Variants in APBA2 observed in about 807,000 individuals in gnomAD.
The protein encoded by APBA2 is amyloid beta precursor protein binding family A member 2.
Under a neutral mutation model 75.0 loss-of-function variants are expected in APBA2, and 30 were observed. That is an observed-to-expected ratio of 0.40 (90% CI 0.30 to 0.54). The LOEUF (loss-of-function observed/expected upper bound fraction) is 0.54, where lower values mean the gene tolerates loss of function less well. Ranked by LOEUF, APBA2 falls within the 20% of genes least tolerant of loss-of-function variation. APBA2 has a pLI of 0.49. For synonymous variants in APBA2, 444 were observed against 409.6 expected (o/e 1.08, Z -1.01); for missense variants, 801 against 1,016.1 (o/e 0.79, Z 2.88).
intron 10 of APBA2, among the ~76,000 whole-genome samples, chr15:29,103,865 C>T (rs1274476436): frequency 1.3e-5 from 2 of 152,216 alleles, no homozygotes; most frequent in African/African-American, 4.8e-5. Context: ...CGGGCGCTGC[C>T]CCCGGCCCTC....
At chr15:28,995,651 G>T (rs2038478134) in intron 2 of APBA2, 102 bp from the exon 3 acceptor site, 1 of 152,114 alleles carries the variant, frequency 6.6e-6, no homozygotes, top group Admixed American at 6.5e-5. Context: ...GTGATTCAAA[G>T]CCTCATATTT....
chr15:28,994,825 C>T (rs4995090), intron 2 of APBA2, among the ~76,000 whole-genome samples: 12,069 of 152,218 alleles, frequency 0.079, 659 homozygotes, highest in East Asian at 0.27. Flanking sequence ...CTCTTCCCTA[C>T]GACTGCAGAC....
At chr15:28,939,071 C>T (rs1178060501) in intron 2 of APBA2, among the ~76,000 whole-genome samples, 1 of 152,192 alleles carries the variant, frequency 6.6e-6, no homozygotes, top group African/African-American at 2.4e-5. Context: ...TGTCTGAATT[C>T]ACCTCTCTAG....
At chr15:28,942,889 G>A (rs1454860291) in intron 2 of APBA2, among the ~76,000 whole-genome samples, 1 of 152,176 alleles carries the variant, frequency 6.6e-6, no homozygotes, top group African/African-American at 2.4e-5. Flanking sequence ...GCCCGTGGCC[G>A]CTGGAGCAGC....
At chr15:29,040,616 C>G (rs2040987353) in intron 3 of APBA2, among the ~76,000 whole-genome samples, 1 of 152,208 alleles carries the variant, frequency 6.6e-6, no homozygotes. Flanking sequence ...TTAACTCCAT[C>G]CCCTAACGAA....
chr15:29,077,774 A>G (rs1173097333), intron 6 of APBA2, among the ~76,000 whole-genome samples: 1 of 152,232 alleles, frequency 6.6e-6, no homozygotes, highest in Non-Finnish European at 1.5e-5. Flanking sequence ...AAACTGAAGC[A>G]AAACAACATC....
At chr15:28,981,734 G>A (rs1050680257) in intron 2 of APBA2, among the ~76,000 whole-genome samples, 10 of 152,006 alleles carry the variant, frequency 6.6e-5, no homozygotes, top group African/African-American at 2.4e-4. Context: ...TATTCACAAG[G>A]GCAAAGACAC....
intron 14 of APBA2, among the ~76,000 whole-genome samples, chr15:29,115,872 C>T (rs1230590244): frequency 6.6e-6 from 1 of 152,150 alleles, no homozygotes; most frequent in Non-Finnish European, 1.5e-5. Context: ...AGCCCAGGGC[C>T]CGAGACCTGC....
Position 29,041,319 on chromosome 15 carries a change from G to A in APBA2, c.-40-12526G>A, listed in dbSNP as rs148123002. Among the ~76,000 whole-genome samples, 1,242 of 151,846 alleles carry A rather than the reference G, an allele frequency of 8.2e-3. 19 individuals carry two copies. The highest frequency in any genetic ancestry group is 0.029 in the African/African-American group (1,201 of 41,422). On this transcript the variant is annotated intron_variant, in intron 3 of 14. Transcript: ENST00000683413. ...GACCTCTTCTCTACTAAATAAATAA[G>A]TAAATAAATAAAATTTTGCTGAGCC...
chr15:29,054,215 C>T lies in APBA2; in HGVS notation c.331C>T (p.Leu111=), dbSNP rs2041759592. 1.2e-6 allele frequency: 2 copies of T among 1,614,038 alleles called. No homozygotes were observed. Among genetic ancestry groups the T allele is most frequent in the African/African-American group, 1.3e-5 (1 of 74,934 alleles). Residue 111 remains leucine, a synonymous_variant, in exon 4 of 15, where the codon CTA becomes TTA. Coordinates refer to ENST00000683413, the MANE Select transcript of APBA2 (RefSeq NM_001353788.2). This position sits in a 1 kb window ranked among gnomAD's most constrained non-coding sequence, Gnocchi z 6.1. ...CTACTGCCCTGAGGACGACAGCTACCTAGAGGGCATGGACTGCAACGGGGA... is the reference window on the plus strand; with the variant it reads ...CTACTGCCCTGAGGACGACAGCTACTTAGAGGGCATGGACTGCAACGGGGA... ...IRYCPEDDSY[L]EGMDCNGEEY...
At chr15:29,105,684 C>A in intron 11 of APBA2, 126 bp downstream of exon 11, 2 of 1,016,798 alleles carry the variant, frequency 2.0e-6, no homozygotes, top group East Asian at 2.6e-5. Context: ...TCCAGTGGGG[C>A]CCGGAATGTG....
intron 3 of APBA2, among the ~76,000 whole-genome samples, chr15:29,024,951 A>G (rs905245490): frequency 1.2e-4 from 19 of 152,172 alleles, no homozygotes; most frequent in African/African-American, 4.3e-4. Flanking sequence ...TCGAGTATCA[A>G]TGGAGTGGGC....
chr15:29,113,140 A>T (rs538036092), intron 13 of APBA2, among the ~76,000 whole-genome samples: 7 of 152,092 alleles, frequency 4.6e-5, no homozygotes, highest in African/African-American at 1.7e-4. Flanking sequence ...TGCTGCTGTG[A>T]ACACGGGTGT....
intron 2 of APBA2, among the ~76,000 whole-genome samples, chr15:28,974,283 T>TA (rs1364430656): frequency 6.6e-6 from 1 of 152,166 alleles, no homozygotes; most frequent in Admixed American, 6.5e-5. Flanking sequence ...GCAGAGAAGA[T>TA]ACACTAGGTG....
At chr15:28,889,592 G>A (rs2031992662) in intron 1 of APBA2, among the ~76,000 whole-genome samples, 1 of 152,160 alleles carries the variant, frequency 6.6e-6, no homozygotes. Flanking sequence ...GATCTGCCCT[G>A]GGTTGTCCCC....
At chr15:29,109,240 A>C (rs1473145888) in intron 13 of APBA2, among the ~76,000 whole-genome samples, 1 of 152,182 alleles carries the variant, frequency 6.6e-6, no homozygotes, top group East Asian at 1.9e-4. Flanking sequence ...AAGGACTACC[A>C]AATCTTCTCC....
intron 6 of APBA2, among the ~76,000 whole-genome samples, chr15:29,086,896 G>A: frequency 6.6e-6 from 1 of 152,164 alleles, no homozygotes; most frequent in Non-Finnish European, 1.5e-5. Context: ...ATGCAAAGAG[G>A]TCAGTTTCTT....
Position 29,054,463 on chromosome 15 carries a change from C to T in APBA2, c.579C>T (p.Tyr193=), listed in dbSNP as rs1047808255. 7.4e-6 allele frequency: 12 copies of T among 1,613,992 alleles called. No individual in the cohort carries two copies. Among genetic ancestry groups the T allele is most frequent in the Admixed American group, 5.0e-5 (3 of 60,006 alleles). Residue 193 remains tyrosine, a synonymous_variant, in exon 4 of 15, where the codon TAC becomes TAT. Coordinates refer to ENST00000683413, the MANE Select transcript of APBA2 (RefSeq NM_001353788.2). This position sits in a 1 kb window ranked among gnomAD's most constrained non-coding sequence, Gnocchi z 6.1. ...ACTACTGTGCCAGCAAAGAGGGCTA[C>T]CAGGACTACTACCCCGAGGAGGCCA... ...DGHYCASKEG[Y]QDYYPEEANG...
chr15:29,076,000 T>G, intron 5 of APBA2, 55 bp from the exon 6 acceptor site: 1 of 1,536,212 alleles, frequency 6.5e-7, no homozygotes, highest in Non-Finnish European at 9.0e-7. Context: ...CTTCACCTTG[T>G]GGGCTACCTA....
Sources: gnomAD v4.1 joint callset for allele counts (sites outside exome capture counted in the v4.1 genomes callset) on GRCh38, gnomAD v4.1.1 for gene constraint, Gnocchi (gnomAD v3.1) non-coding constraint, MANE v1.5 for transcripts, NCBI Gene and HGNC (gene_info 2026-07-23, HGNC 2026-07-21) for gene names.